Variants in BAIAP3 observed in about 807,000 individuals in gnomAD.
The protein encoded by BAIAP3 is BAI1-associated protein 3.
In BAIAP3, 180 loss-of-function variants were observed where a neutral mutation model predicts 149.7. The observed-to-expected ratio is 1.20, with a 90% CI of 1.07 to 1.36. The LOEUF (loss-of-function observed/expected upper bound fraction) is 1.36. Ranked by LOEUF, BAIAP3 falls within the 40% of genes most tolerant of loss-of-function variation. BAIAP3 has a pLI of 0.00. For missense variants in BAIAP3, 1,767 were observed against 1,563.4 expected, an observed-to-expected ratio of 1.13 and a Z score of -2.20; for synonymous variants, 845 against 670.7, an observed-to-expected ratio of 1.26 and a Z score of -4.02.
In BAIAP3 at chr16:1,347,677, C is replaced by G. The variant is rs758509917; in HGVS notation, c.2905-24C>G. 6.2e-6 allele frequency: 10 copies of G among 1,612,008 alleles called. No homozygotes were observed. The South Asian group carries it at 8.8e-5, about 14-fold the overall frequency. ...TGCCTCCGAGGCTCCCAGAGCCCAGCTGCGCTCACCCGCCTTTCCGCAGAG... is the reference window on the plus strand; with the variant it reads ...TGCCTCCGAGGCTCCCAGAGCCCAGGTGCGCTCACCCGCCTTTCCGCAGAG... On this transcript the variant is annotated intron_variant, in intron 30 of 33. Transcript: ENST00000426824.
At chr16:1,337,669 GGCTGCT>G (rs377475253) in intron 1 of BAIAP3, among the ~76,000 whole-genome samples, 12 of 152,132 alleles carry the variant, frequency 7.9e-5, no homozygotes, top group Non-Finnish European at 1.3e-4. Context: ...GTGACATCTG[GGCTGCT>G]GCTGCTGCTG....
At position 1,339,616 on chromosome 16, in the gene BAIAP3, T is replaced by G; in HGVS notation, c.408+13T>G. The G allele has an allele frequency of 6.3e-7, 1 of 1,594,218 alleles. No homozygotes were observed. Among genetic ancestry groups the G allele is most frequent in the Non-Finnish European group, 8.6e-7 (1 of 1,168,050 alleles). Reference sequence around the variant, plus strand: ...CTATCTCCAGCAGGTCAGCCCACCCTGACCCCGACCCAGACCCTGACAGCT... The same window carrying G: ...CTATCTCCAGCAGGTCAGCCCACCCGGACCCCGACCCAGACCCTGACAGCT... On this transcript the variant is annotated intron_variant, in intron 5 of 33. Transcript: ENST00000426824.
Position 1,341,444 on chromosome 16 carries a change from T to G in BAIAP3, c.686T>G (p.Val229Gly). 6.2e-7 allele frequency: 1 copy of G among 1,612,496 alleles called. No homozygotes were observed. The highest frequency in any genetic ancestry group is 8.5e-7 in the Non-Finnish European group (1 of 1,179,844). Residue 229 changes from valine (V) to glycine (G), a missense_variant, in exon 8 of 34, where the codon GTG becomes GGG. Physicochemically the swap from Val to Gly is moderately radical, Grantham distance 109 (BLOSUM62 -3). Transcript: ENST00000426824. ...GCCAAGTGCATCCAGGTCACCGAGG[T>G]GAAGAGCAGCACCCTGAACCCCGTC... ...LPAKCIQVTE[V>G]KSSTLNPVWK...
chr16:1,340,160 A>C (rs1596566455), intron 5 of BAIAP3, among the ~76,000 whole-genome samples: 1 of 128,844 alleles, frequency 7.8e-6, no homozygotes, highest in African/African-American at 3.1e-5. Context: ...GCACACAGAC[A>C]CACGCACACA....
chr16:1,339,034 G>A, intron 3 of BAIAP3, 45 bp downstream of exon 3: 2 of 1,608,808 alleles, frequency 1.2e-6, no homozygotes, highest in Non-Finnish European at 1.7e-6. Context: ...CCCAGCATGG[G>A]GCTCCCCCTT....
At position 1,345,029 on chromosome 16, in the gene BAIAP3, G is replaced by A; in HGVS notation, c.1870G>A (p.Ala624Thr). Residue 624 changes from alanine to threonine, a missense_variant, in exon 21 of 34, where the codon GCC becomes ACC. Ala to Thr is a moderately conservative substitution (Grantham distance 58). Transcript: ENST00000426824. ...ELSPKMTLEV[A>T]SGLFELYLTL... is the part of the protein sequence containing the mutation. ...GAGCCCCAAGATGACCCTGGAGGTGGCCTCGGGGCTCTTTGAGCTCTACCT... is the reference window on the plus strand; with the variant it reads ...GAGCCCCAAGATGACCCTGGAGGTGACCTCGGGGCTCTTTGAGCTCTACCT... The A allele has an allele frequency of 2.5e-6, 4 of 1,612,476 alleles. No individual in the cohort carries two copies. In the East Asian group the frequency reaches 6.7e-5, roughly 27 times the overall value.
In BAIAP3 at chr16:1,336,442, C is replaced by T. The variant is rs987270841; in HGVS notation, c.-10-2098C>T. 2.2e-5 allele frequency: 21 copies of T among 956,912 alleles called. No homozygotes were observed. In the Admixed American group the frequency reaches 3.1e-4, roughly 14 times the overall value. 59.3% of individuals were successfully genotyped at this position (956,912 alleles called of 1,614,324 possible). On this transcript the variant is annotated intron_variant, in intron 1 of 33. Transcript: ENST00000426824. Reference sequence around the variant, plus strand: ...GCATTGCCTCTCACAGGGTGGGAGACGCAAACCCTCCTTCCTGTCCTCAGC... The same window carrying T: ...GCATTGCCTCTCACAGGGTGGGAGATGCAAACCCTCCTTCCTGTCCTCAGC...
At position 1,346,292 on chromosome 16, in the gene BAIAP3, C is replaced by T. The variant is rs1255668658; in HGVS notation, c.2424C>T (p.Ser808=). 1.2e-6 allele frequency: 2 copies of T among 1,607,030 alleles called. No individual in the cohort carries two copies. Among genetic ancestry groups the T allele is most frequent in the Non-Finnish European group, 1.7e-6 (2 of 1,175,962 alleles). ...GGGTGCTCCCCCGCCCTCTGCTCAG[C>T]TGCACACAGGCCCTGGACGATGATC... ...PEGVLPRPLL[S]CTQALDDDLQ... Residue 808 remains serine, a synonymous_variant, in exon 25 of 34, where the codon AGC becomes AGT. Transcript: ENST00000426824.
At chr16:1,343,562 G>C (rs937235084) in intron 15 of BAIAP3, 49 bp downstream of exon 15, 13 of 1,595,630 alleles carry the variant, frequency 8.1e-6, no homozygotes, top group Non-Finnish European at 1.0e-5. Context: ...GGGAGTGCTG[G>C]GGACTGGGGT....
At position 1,348,670 on chromosome 16, in the gene BAIAP3, C is replaced by G; in HGVS notation, c.*188C>G. 1 of 635,324 alleles carries G rather than the reference C, an allele frequency of 1.6e-6. No homozygotes were observed. Among genetic ancestry groups the G allele is most frequent in the South Asian group, 1.9e-5 (1 of 51,886 alleles). The allele number at this position is 635,324 out of a possible 1,614,324, so 39.4% of individuals were successfully genotyped here. ...GTCTGTCTGGTGTGTGCTGTGAACC[C>G]CTGCACCCAACCCCACATCTGGGTG... On this transcript the variant is annotated 3_prime_UTR_variant, in exon 34 of 34. Transcript: ENST00000426824.
At chr16:1,336,179 T>A in intron 1 of BAIAP3, 5 of 984,100 alleles carry the variant, frequency 5.1e-6, no homozygotes, top group Non-Finnish European at 6.0e-6. Flanking sequence ...TGGCAACAGC[T>A]CCAGCAGCGG....
rs971941910 is a variant in BAIAP3, at chr16:1,339,257, G to A, written c.300+13G>A. On this transcript the variant is annotated intron_variant, in intron 4 of 33. Transcript: ENST00000426824. ...GGCCCCAGAGGAGGTAAAGGTGGGGGTCGGAACCAGGGGCAGTCGTCTGCA... is the reference window on the plus strand; with the variant it reads ...GGCCCCAGAGGAGGTAAAGGTGGGGATCGGAACCAGGGGCAGTCGTCTGCA... The A allele has an allele frequency of 2.6e-6, 4 of 1,556,976 alleles. No homozygotes were observed. The Admixed American group carries it at 5.8e-5, about 23-fold the overall frequency.
rs1281064020 is a variant in BAIAP3, at chr16:1,341,457, C to G, written c.699C>G (p.Thr233=). The change falls in exon 8 of 34, where the codon ACC becomes ACG. Residue 233 remains threonine (T), a synonymous_variant. Coordinates refer to ENST00000426824, the MANE Select transcript of BAIAP3 (RefSeq NM_001199097.2). ...AGGTCACCGAGGTGAAGAGCAGCAC[C>G]CTGAACCCCGTCTGGAAGGAGCACT... ...CIQVTEVKSS[T]LNPVWKEHFL... The G allele has an allele frequency of 6.2e-7, 1 of 1,611,954 alleles. No individual in the cohort carries two copies. The highest frequency in any genetic ancestry group is 1.3e-5 in the African/African-American group (1 of 74,942).
chr16:1,344,051 C>T lies in BAIAP3; in HGVS notation c.1416C>T (p.Ala472=), dbSNP rs985048068. Residue 472 remains alanine (A), a synonymous_variant, in exon 16 of 34, where the codon GCC becomes GCT. Coordinates refer to ENST00000426824, the MANE Select transcript of BAIAP3 (RefSeq NM_001199097.2). ...QEESLADSLS[A]FSEFGLQLLR... Reference sequence around the variant, plus strand: ...AGAGCCTGGCTGATAGCCTTTCCGCCTTCTCTGAGTTCGGGCTGCAGCTGC... The same window carrying T: ...AGAGCCTGGCTGATAGCCTTTCCGCTTTCTCTGAGTTCGGGCTGCAGCTGC... 9.3e-6 allele frequency: 15 copies of T among 1,612,444 alleles called. No individual in the cohort carries two copies. Among genetic ancestry groups the T allele is most frequent in the Non-Finnish European group, 1.2e-5 (14 of 1,179,946 alleles).
intron 5 of BAIAP3, among the ~76,000 whole-genome samples, chr16:1,339,917 C>G (rs1487492859): frequency 6.9e-6 from 1 of 145,426 alleles, no homozygotes; most frequent in African/African-American, 2.6e-5. Context: ...CGCACACAGG[C>G]TGCAGGTGCA....
chr16:1,339,971 C>A (rs1028681240), intron 5 of BAIAP3, among the ~76,000 whole-genome samples: 3 of 145,160 alleles, frequency 2.1e-5, no homozygotes, highest in Admixed American at 1.3e-4. Flanking sequence ...GACGCACGCA[C>A]ACACACAGGC....
intron 7 of BAIAP3, 47 bp downstream of exon 7, chr16:1,341,242 C>T (rs2033902735): frequency 6.2e-7 from 1 of 1,606,300 alleles, no homozygotes; most frequent in Admixed American, 1.7e-5. Context: ...GCCTGGCGGC[C>T]ATGGAGGGCC....
intron 28 of BAIAP3, 164 bp downstream of exon 28, chr16:1,347,119 GTGA>G: frequency 1.1e-6 from 1 of 873,608 alleles, no homozygotes; most frequent in African/African-American, 1.7e-5. Context: ...GTGGCCTCTG[GTGA>G]TGGCCTTTCC....
chr16:1,349,434 C>T lies in BAIAP3; in HGVS notation c.*952C>T. The T allele has an allele frequency of 6.2e-7, 1 of 1,613,568 alleles. No individual in the cohort carries two copies. Among genetic ancestry groups the T allele is most frequent in the Non-Finnish European group, 8.5e-7 (1 of 1,179,844 alleles). ...GCCTCAAAAATATATGTGTCTGCAA[C>T]CCTCAGTCTCTCTGCCGTTTCTTGA... On this transcript the variant is annotated 3_prime_UTR_variant, in exon 34 of 34. Coordinates refer to ENST00000426824, the MANE Select transcript of BAIAP3 (RefSeq NM_001199097.2).
Sources: allele counts gnomAD v4.1 joint callset (sites outside exome capture counted in the v4.1 genomes callset), GRCh38; gene constraint gnomAD v4.1.1; transcripts MANE v1.5; gene names NCBI Gene and HGNC (gene_info 2026-07-23, HGNC 2026-07-21).